PLEKHA7: variants seen among roughly 807,000 people sequenced by gnomAD.
The protein encoded by PLEKHA7 is pleckstrin homology domain containing A7, also known as pleckstrin homology domain-containing family A member 7.
In PLEKHA7, 104 loss-of-function variants were observed where a neutral mutation model predicts 170.0. The ratio of observed to expected loss-of-function variants is 0.61; its 90% CI spans 0.52 to 0.72. The LOEUF (loss-of-function observed/expected upper bound fraction) is 0.72. Among genes scored for constraint, PLEKHA7 ranks in the 30% least tolerant of loss-of-function variants. The pLI is 0.00. For synonymous variants in PLEKHA7, 648 were observed against 660.8 expected (o/e 0.98, Z 0.30); for missense variants, 1,615 against 1,671.7 (o/e 0.97, Z 0.59).
In PLEKHA7 at chr11:16,801,713, C is replaced by T. The variant is rs1848608046; in HGVS notation, c.2262G>A (p.Gln754=). The T allele has an allele frequency of 6.2e-7, 1 of 1,614,144 alleles. No homozygotes were observed. The highest frequency in any genetic ancestry group is 8.5e-7 in the Non-Finnish European group (1 of 1,180,002). Residue 754 remains glutamine (Q), a synonymous_variant, in exon 16 of 27, where the codon CAG becomes CAA. Coordinates refer to ENST00000531066, the MANE Select transcript of PLEKHA7 (RefSeq NM_001329630.2). ...EKIAYQQKLL[Q]EDLVHIRAEL... ...CAGCTCGGATATGGACAAGGTCCTC[C>T]TGCAGCAACTTCTGCTGGTAGGCAA... is the stretch of plus-strand genomic sequence containing the variant.
intron 3 of PLEKHA7, among the ~76,000 whole-genome samples, chr11:16,913,793 C>CGTGA (rs1858435165): frequency 6.6e-6 from 1 of 152,166 alleles, no homozygotes. Context: ...GAAGCAGGGA[C>CGTGA]CTCACCCAAG....
At chr11:16,829,514 G>A (rs973266587) in intron 9 of PLEKHA7, among the ~76,000 whole-genome samples, 13 of 152,172 alleles carry the variant, frequency 8.5e-5, no homozygotes, top group Admixed American at 6.5e-4. Flanking sequence ...TACAGAAAAA[G>A]TAATTCAGCC....
intron 6 of PLEKHA7, among the ~76,000 whole-genome samples, chr11:16,853,893 T>C (rs1853200101): frequency 6.6e-6 from 1 of 152,164 alleles, no homozygotes; most frequent in Non-Finnish European, 1.5e-5. Context: ...CTGTGTGCTG[T>C]TCAATGTAAT....
At chr11:16,904,162 G>T (rs903837727) in intron 3 of PLEKHA7, among the ~76,000 whole-genome samples, 2 of 152,088 alleles carry the variant, frequency 1.3e-5, no homozygotes, top group African/African-American at 4.8e-5. Flanking sequence ...TTATTCTTAC[G>T]TGCTATCATT....
rs1369501486 is a variant in PLEKHA7, at chr11:16,790,915, C to T, written c.2935G>A (p.Val979Met). Residue 979 changes from valine to methionine, a missense_variant and splice_region_variant, in exon 21 of 27, where the codon GTG becomes ATG. Coordinates refer to ENST00000531066, the MANE Select transcript of PLEKHA7 (RefSeq NM_001329630.2). ...TCACTGACATACGACCGCAGCTCCA[C>T]CTGTGGGCAGAGTCCCAGGTGATGT... ...LGQCVNGDSR[V>M]ELRSYVSEPE... The T allele has an allele frequency of 1.9e-6, 3 of 1,613,594 alleles. No homozygotes were observed. Among genetic ancestry groups the T allele is most frequent in the South Asian group, 1.1e-5 (1 of 91,046 alleles).
chr11:16,952,766 C>T (rs1861485246), intron 3 of PLEKHA7, among the ~76,000 whole-genome samples: 1 of 152,134 alleles, frequency 6.6e-6, no homozygotes, highest in African/African-American at 2.4e-5. Context: ...TTCCTTTGAG[C>T]ACCATGTCAG....
intron 12 of PLEKHA7, among the ~76,000 whole-genome samples, chr11:16,813,507 GC>G (rs149300420): frequency 0.04 from 6,130 of 152,232 alleles, 254 homozygotes; most frequent in South Asian, 0.15. Flanking sequence ...AGGAGCATAT[GC>G]CACACCTGAG....
intron 8 of PLEKHA7, among the ~76,000 whole-genome samples, chr11:16,850,681 G>A (rs529011679): frequency 4.1e-4 from 63 of 152,264 alleles, no homozygotes; most frequent in Non-Finnish European, 7.2e-4. Context: ...ACTGGTAAAG[G>A]GATCTGCCTG....
At chr11:16,847,812 A>G (rs1852571028) in intron 8 of PLEKHA7, among the ~76,000 whole-genome samples, 1 of 147,022 alleles carries the variant, frequency 6.8e-6, no homozygotes, top group Non-Finnish European at 1.5e-5. Flanking sequence ...ATTGTACTCC[A>G]GCCCGGGCGA....
At chr11:16,887,301 A>ACCTCTC (rs67257616) in intron 3 of PLEKHA7, among the ~76,000 whole-genome samples, 25 of 144,630 alleles carry the variant, frequency 1.7e-4, no homozygotes, top group Admixed American at 1.5e-3. Context: ...ATAAACCTCA[A>ACCTCTC]CCTCTCCCTC....
intron 3 of PLEKHA7, among the ~76,000 whole-genome samples, chr11:16,889,190 G>T (rs1856430718): frequency 6.6e-6 from 1 of 151,418 alleles, no homozygotes; most frequent in Non-Finnish European, 1.5e-5. Context: ...TCAACTTTGT[G>T]ACATTCTTCT....
Position 16,826,410 on chromosome 11 carries a change from T to C in PLEKHA7, c.1053A>G (p.Pro351=). 1 of 1,614,248 alleles carries C rather than the reference T, an allele frequency of 6.2e-7. No individual in the cohort carries two copies. Among genetic ancestry groups the C allele is most frequent in the Non-Finnish European group, 8.5e-7 (1 of 1,180,044 alleles). Residue 351 remains proline (P), a synonymous_variant, in exon 10 of 27, where the codon CCA becomes CCG. Coordinates refer to ENST00000531066, the MANE Select transcript of PLEKHA7 (RefSeq NM_001329630.2). ...EGEQYRSQRD[P]LEGKRDRSKA... ...TGCTCCGGTCCCGCTTGCCCTCCAG[T>C]GGGTCCCTCTGGGAACGGTACTGCT...
At chr11:16,840,810 G>A (rs1014340062) in intron 9 of PLEKHA7, among the ~76,000 whole-genome samples, 29 of 152,072 alleles carry the variant, frequency 1.9e-4, no homozygotes, top group African/African-American at 6.3e-4. Context: ...GAAGTACCAC[G>A]AATTCCGAAA....
chr11:16,960,106 C>T (rs146573241), intron 3 of PLEKHA7, among the ~76,000 whole-genome samples: 69 of 152,334 alleles, frequency 4.5e-4, no homozygotes, highest in South Asian at 4.1e-4. Flanking sequence ...CAGGTTCTCA[C>T]GCCCTGCTCT....
At chr11:16,895,874 G>C (rs1289593824) in intron 3 of PLEKHA7, among the ~76,000 whole-genome samples, 1 of 152,184 alleles carries the variant, frequency 6.6e-6, no homozygotes, top group Non-Finnish European at 1.5e-5. Context: ...GCTGAGCCAA[G>C]AAGAGAATCT....
intron 3 of PLEKHA7, among the ~76,000 whole-genome samples, chr11:16,928,291 C>T (rs763532607): frequency 6.6e-5 from 10 of 152,048 alleles, no homozygotes; most frequent in African/African-American, 9.7e-5. Flanking sequence ...GCCTGGGTGA[C>T]GGAGTGAGAC....
intron 3 of PLEKHA7, among the ~76,000 whole-genome samples, chr11:16,900,843 A>ATTT (rs1195144939): frequency 6.6e-6 from 1 of 151,084 alleles, no homozygotes; most frequent in African/African-American, 2.4e-5. Context: ...GGAAGTCATG[A>ATTT]TTTTTTATTT....
At chr11:16,940,281 GTTTTT>G (rs71047516) in intron 3 of PLEKHA7, among the ~76,000 whole-genome samples, 1,526 of 110,390 alleles carry the variant, frequency 0.014, 7 homozygotes, top group Middle Eastern at 0.035. Flanking sequence ...TTCTTCTGCT[GTTTTT>G]TTTTTTTTTT....
chr11:16,854,865 A>G, intron 6 of PLEKHA7, 24 bp downstream of exon 6: 3 of 1,600,510 alleles, frequency 1.9e-6, no homozygotes, highest in Non-Finnish European at 2.6e-6. Context: ...TTCCTCCAGG[A>G]TTCTCACTCC....
Sources: allele counts gnomAD v4.1 joint callset (sites outside exome capture counted in the v4.1 genomes callset), GRCh38; gene constraint gnomAD v4.1.1; transcripts MANE v1.5; gene names NCBI Gene and HGNC (gene_info 2026-07-23, HGNC 2026-07-21).